PCDHGA4: variants seen among roughly 807,000 people sequenced by gnomAD.
PCDHGA4 encodes protocadherin gamma subfamily A, 4.
In PCDHGA4, 38 loss-of-function variants were observed where a neutral mutation model predicts 54.6. That is an observed-to-expected ratio of 0.70 (90% CI 0.54 to 0.91). The LOEUF (loss-of-function observed/expected upper bound fraction) is 0.91. Ranked by LOEUF, PCDHGA4 falls within the 40% of genes least tolerant of loss-of-function variation. The pLI is 0.00. For missense variants in PCDHGA4, 1,298 were observed against 1,220.9 expected (o/e 1.06, Z -0.94); for synonymous variants, 511 against 512.9 (o/e 1.00, Z 0.05).
At chr5:141,478,117 C>T (rs1419172538) in intron 1 of PCDHGA4, 2 of 1,614,058 alleles carry the variant, frequency 1.2e-6, no homozygotes, top group East Asian at 4.5e-5. Flanking sequence ...TGTCAGTAAC[C>T]GAGGACTCTC....
rs115982940 is a variant in PCDHGA4, at chr5:141,457,996, G to A, written c.2515-36811G>A. On this transcript the variant is annotated intron_variant, in intron 1 of 3. Transcript: ENST00000571252. ...AACACACCCTTTCAGTTAAAGCCTTGGCAAAATAACCGGTTTTTCCAATTG... is the reference window on the plus strand; with the variant it reads ...AACACACCCTTTCAGTTAAAGCCTTAGCAAAATAACCGGTTTTTCCAATTG... Among the ~76,000 whole-genome samples the A allele has an allele frequency of 2.4e-3, 372 of 152,212 alleles. 2 individuals carry two copies. Among genetic ancestry groups the A allele is most frequent in the African/African-American group, 8.4e-3 (347 of 41,522 alleles).
rs1355845145 is a variant in PCDHGA4 at position 141,356,939 on chromosome 5, G to A, written c.1832G>A (p.Arg611His). 2 of 1,614,232 alleles carry A rather than the reference G, an allele frequency of 1.2e-6. No homozygotes were observed. The highest frequency in any genetic ancestry group is 1.7e-6 in the Non-Finnish European group (2 of 1,180,038). ...DGSTGVELAPRSADSGYLVTK... is the reference protein window; with the variant it reads ...DGSTGVELAPHSADSGYLVTK... ...TCCACTGGTGTGGAGCTGGCACCCC[G>A]CTCCGCAGATTCCGGCTACCTGGTG... Residue 611 changes from arginine to histidine, a missense_variant, in exon 1 of 4, where the codon CGC (arginine) becomes CAC (histidine). Coordinates refer to ENST00000571252, the MANE Select transcript of PCDHGA4 (RefSeq NM_018917.4).
chr5:141,366,430 C>T (rs753944795), intron 1 of PCDHGA4: 6 of 1,614,174 alleles, frequency 3.7e-6, no homozygotes, highest in Non-Finnish European at 4.2e-6. Context: ...TGGCTGCAGT[C>T]TCCTGCGTCT....
At chr5:141,384,676 G>A in intron 1 of PCDHGA4, 4 of 1,614,214 alleles carry the variant, frequency 2.5e-6, no homozygotes, top group Non-Finnish European at 3.4e-6. Flanking sequence ...CAAGGTGGTG[G>A]CGGTGGACAA....
intron 1 of PCDHGA4, among the ~76,000 whole-genome samples, chr5:141,484,837 T>C (rs1289449270): frequency 6.6e-6 from 1 of 151,620 alleles, no homozygotes; most frequent in Non-Finnish European, 1.5e-5. Context: ...GGCGAAAAGA[T>C]AGGCTGGGTT....
intron 1 of PCDHGA4, chr5:141,366,784 A>C (rs749444374): frequency 6.3e-7 from 1 of 1,579,152 alleles, no homozygotes; most frequent in Non-Finnish European, 8.6e-7. Context: ...GATGACCAGA[A>C]CATTTTCATT....
intron 2 of PCDHGA4, among the ~76,000 whole-genome samples, chr5:141,502,238 T>A (rs2099813398): frequency 6.6e-6 from 1 of 152,204 alleles, no homozygotes; most frequent in Non-Finnish European, 1.5e-5. Flanking sequence ...TGTGTTCTTT[T>A]ATCCTTTTTT....
At position 141,431,056 on chromosome 5, in the gene PCDHGA4, C is replaced by T; in HGVS notation, c.2515-63751C>T. ...ACCGGGAGGAGCTCTGTATGGGGGC[C>T]ATCAAGTGTCAATTAAATCTAGACA... On this transcript the variant is annotated intron_variant, in intron 1 of 3. Transcript: ENST00000571252. The surrounding 1 kb of genome is among the most constrained non-coding windows in gnomAD (Gnocchi z 4.8). 1 of 1,614,126 alleles carries T rather than the reference C, an allele frequency of 6.2e-7. No homozygotes were observed. The highest frequency in any genetic ancestry group is 8.5e-7 in the Non-Finnish European group (1 of 1,180,000).
intron 1 of PCDHGA4, among the ~76,000 whole-genome samples, chr5:141,457,656 G>T (rs2098926936): frequency 6.6e-6 from 1 of 152,244 alleles, no homozygotes; most frequent in Non-Finnish European, 1.5e-5. Context: ...ATGAAGTGCA[G>T]CAAGAATGGT....
rs73265825 is a variant in PCDHGA4, at chr5:141,355,769, A to C, written c.662A>C (p.Lys221Thr). The C allele has an allele frequency of 1.6e-3, 2,601 of 1,613,894 alleles. 36 individuals carry two copies. In the African/African-American group the frequency reaches 0.031, roughly 19 times the overall value. Residue 221 changes from lysine (K) to threonine (T), a missense_variant, in exon 1 of 4, where the codon AAG becomes ACG. Transcript: ENST00000571252. ...GTGCAAAGTGGGGCCGATGGGATTA[A>C]GTACCCAGAGCTGGTGCTGGAACGC... ...LDVQSGADGI[K>T]YPELVLERAL...
intron 2 of PCDHGA4, among the ~76,000 whole-genome samples, chr5:141,498,573 A>G (rs7725519): frequency 0.52 from 78,890 of 151,684 alleles, 21,175 homozygotes; most frequent in African/African-American, 0.65. Flanking sequence ...CAGGGCTAGT[A>G]TTGAGTTCTT....
At chr5:141,366,221 G>T (rs774963460) in intron 1 of PCDHGA4, 4 of 1,613,716 alleles carry the variant, frequency 2.5e-6, no homozygotes, top group African/African-American at 2.7e-5. Context: ...CACAGCGCGA[G>T]CCCTGCTGGA....
intron 1 of PCDHGA4, chr5:141,422,932 C>G: frequency 6.2e-7 from 1 of 1,614,252 alleles, no homozygotes; most frequent in Non-Finnish European, 8.5e-7. Context: ...CCCTGCCCTC[C>G]CCACAGACGG....
chr5:141,400,020 G>A (rs1589396224), intron 1 of PCDHGA4: 1 of 1,612,942 alleles, frequency 6.2e-7, no homozygotes, highest in South Asian at 1.1e-5. Context: ...TGGGCGACAG[G>A]GACGCGGCCC....
intron 1 of PCDHGA4, among the ~76,000 whole-genome samples, chr5:141,482,944 G>A (rs1362136222): frequency 6.6e-6 from 1 of 152,094 alleles, no homozygotes; most frequent in Non-Finnish European, 1.5e-5. Context: ...GTGGTTGTGG[G>A]TGCCTGTAAT....
chr5:141,361,047 G>C, intron 1 of PCDHGA4: 1 of 1,613,616 alleles, frequency 6.2e-7, no homozygotes, highest in Non-Finnish European at 8.5e-7. Flanking sequence ...TCACGACAAA[G>C]GATGATTTGG....
At chr5:141,465,979 G>C (rs779605313) in intron 1 of PCDHGA4, among the ~76,000 whole-genome samples, 26 of 151,846 alleles carry the variant, frequency 1.7e-4, no homozygotes, top group Non-Finnish European at 3.8e-4. Flanking sequence ...AAAATTAGCC[G>C]GGCATGGTGG....
chr5:141,367,025 G>T, intron 1 of PCDHGA4: 2 of 394,068 alleles, frequency 5.1e-6, no homozygotes, highest in Non-Finnish European at 9.0e-6. Context: ...TTGTTATATT[G>T]GAACTGCAGT....
In PCDHGA4 at chr5:141,491,354, C is replaced by T. The variant is rs2099710960; in HGVS notation, c.2515-3453C>T. The T allele has an allele frequency of 6.2e-7, 1 of 1,614,166 alleles. No homozygotes were observed. Among genetic ancestry groups the T allele is most frequent in the South Asian group, 1.1e-5 (1 of 91,088 alleles). On this transcript the variant is annotated intron_variant, in intron 1 of 3. Coordinates refer to ENST00000571252, the MANE Select transcript of PCDHGA4 (RefSeq NM_018917.4). This position sits in a 1 kb window ranked among gnomAD's most constrained non-coding sequence, Gnocchi z 6.9. ...GCTCTAGCGACCGTCAGTCTCTTAT[C>T]CCTAGTCACCTTCACCTTTCTGTCA...
Sources: gnomAD v4.1 joint callset for allele counts (sites outside exome capture counted in the v4.1 genomes callset) on GRCh38, gnomAD v4.1.1 for gene constraint, Gnocchi (gnomAD v3.1) non-coding constraint, MANE v1.5 for transcripts, NCBI Gene and HGNC (gene_info 2026-07-23, HGNC 2026-07-21) for gene names.